TERT: variants seen among roughly 807,000 people sequenced by gnomAD.
TERT encodes the protein telomerase reverse transcriptase.
A neutral mutation model predicts 104.0 loss-of-function variants in TERT; 42 were observed. That is an observed-to-expected ratio of 0.40 (90% CI 0.32 to 0.52). TERT has a LOEUF of 0.52. Ranked by LOEUF, TERT falls within the 20% of genes least tolerant of loss-of-function variation. TERT has a pLI of 0.43. For synonymous variants in TERT, 781 were observed against 725.6 expected, an observed-to-expected ratio of 1.08 and a Z score of -1.23; for missense variants, 1,101 against 1,610.3, an observed-to-expected ratio of 0.68 and a Z score of 5.41.
Position 1,268,675 on chromosome 5 carries a change from G to C in TERT, c.2469-42C>G. 1.4e-6 allele frequency: 2 copies of C among 1,404,652 alleles called. No homozygotes were observed. The highest frequency in any genetic ancestry group is 2.0e-6 in the Non-Finnish European group (2 of 991,768). The allele number at this position is 1,404,652 out of a possible 1,614,324, so 87.0% of individuals were successfully genotyped here. On this transcript the variant is annotated intron_variant, in intron 8 of 15. Transcript: ENST00000310581. The surrounding 1 kb of genome is among the most constrained non-coding windows in gnomAD (Gnocchi z 5.5). ...CAGGTGAGAGACGGGCAGGGCATGT[G>C]CTGGACATGCGTACACTCAAACCGA...
Position 1,294,333 on chromosome 5 carries a change from G to A in TERT, c.553C>T (p.Arg185Trp), listed in dbSNP as rs770436206. Residue 185 changes from arginine (R) to tryptophan (W), a missense_variant, in exon 2 of 16, where the codon CGG becomes TGG. Around this residue, in one of 5 missense-constraint regions of TERT, gnomAD observed 504 missense variants for 544.6 expected, o/e 0.93. Coordinates refer to ENST00000310581, the MANE Select transcript of TERT (RefSeq NM_198253.3). Reference sequence around the variant, plus strand: ...GGTCCACTAGCGTGTGGCGGGGGCCGGGCCTGAGTGGCAGCGCCGAGCTGG... The same window carrying A: ...GGTCCACTAGCGTGTGGCGGGGGCCAGGCCTGAGTGGCAGCGCCGAGCTGG... Reference protein sequence around the residue: ...LYQLGAATQARPPPHASGPRR... With the variant: ...LYQLGAATQAWPPPHASGPRR... The A allele has an allele frequency of 1.6e-5, 26 of 1,579,854 alleles. 1 individual carries two copies. The South Asian group carries it at 2.3e-4, about 14-fold the overall frequency.
intron 2 of TERT, among the ~76,000 whole-genome samples, chr5:1,285,445 G>A (rs182059897): frequency 2.5e-4 from 38 of 152,168 alleles, no homozygotes; most frequent in African/African-American, 8.9e-4. Flanking sequence ...TGTCCTGTGA[G>A]TGATGCTCCC....
rs1561197895 is a variant in TERT, at chr5:1,272,520, CG to C, written c.2287-241del. Among the ~76,000 whole-genome samples the C allele has an allele frequency of 1.2e-3, 181 of 147,422 alleles. 10 individuals carry two copies. Among genetic ancestry groups the C allele is most frequent in the African/African-American group, 4.5e-3 (169 of 37,280 alleles). On this transcript the variant is annotated intron_variant, in intron 6 of 15. Transcript: ENST00000310581. The stretch of plus-strand genomic sequence containing the variant: ...CTACCACACATCAGACCCCTGTGAC[CG>C]ATCACCATCCACAGTCACCACATCA...
chr5:1,292,886 C>A lies in TERT; in HGVS notation c.1573+427G>T, dbSNP rs1324043991. Among the ~76,000 whole-genome samples, 1 of 152,348 alleles carries A rather than the reference C, an allele frequency of 6.6e-6. No homozygotes were observed. The highest frequency in any genetic ancestry group is 1.5e-5 in the Non-Finnish European group (1 of 68,030). On this transcript the variant is annotated intron_variant, in intron 2 of 15. Coordinates refer to ENST00000310581, the MANE Select transcript of TERT (RefSeq NM_198253.3). This position sits in a 1 kb window ranked among gnomAD's most constrained non-coding sequence, Gnocchi z 5.5. The stretch of plus-strand genomic sequence containing the variant: ...ACGTGCACCTGCAAAACCCTTACCT[C>A]CCACCCCCAGGAAGAGGGGGTTCTC...
intron 2 of TERT, 65 bp downstream of exon 2, chr5:1,293,248 C>T (rs1403110897): frequency 1.3e-6 from 2 of 1,597,006 alleles, no homozygotes; most frequent in African/African-American, 1.3e-5. Context: ...TGCCTGCCCC[C>T]TTTTCTGAGC....
In TERT at chr5:1,294,490, C is replaced by T. The variant is rs1751252495; in HGVS notation, c.396G>A (p.Arg132=). The change falls in exon 2 of 16, where the codon CGG becomes CGA. Residue 132 remains arginine, a synonymous_variant. Transcript: ENST00000310581. ...GCAGCAGCCCCCACGCCCCGCTCCC[C>T]CGCAGTGCGTCGGTCACCGTGTTGG... ...YLPNTVTDAL[R]GSGAWGLLLR... 1.3e-6 allele frequency: 2 copies of T among 1,587,834 alleles called. No homozygotes were observed. The highest frequency in any genetic ancestry group is 1.7e-5 in the Admixed American group (1 of 59,056).
intron 2 of TERT, among the ~76,000 whole-genome samples, chr5:1,291,394 G>A (rs1358539382): frequency 3.1e-5 from 1 of 32,610 alleles, no homozygotes; most frequent in Non-Finnish European, 5.4e-5. Flanking sequence ...CCCGGGGACA[G>A]CGCCTCACTC....
Position 1,278,332 on chromosome 5 carries a change from C to A in TERT, c.2286+309G>T, listed in dbSNP as rs144020096. Among the ~76,000 whole-genome samples the A allele has an allele frequency of 8.2e-3, 1,248 of 152,290 alleles. 5 individuals are homozygous for A. Among genetic ancestry groups the A allele is most frequent in the Non-Finnish European group, 0.014 (924 of 68,018 alleles). On this transcript the variant is annotated intron_variant, in intron 6 of 15. Transcript: ENST00000310581. The stretch of plus-strand genomic sequence containing the variant: ...TGTCACGGACACATGCACACACACA[C>A]ACCACAAATAGGCACATCACAGACA...
Position 1,286,438 on chromosome 5 carries a change from T to C in TERT, c.1574-3814A>G, listed in dbSNP as rs1750492639. Reference sequence around the variant, plus strand: ...ACACGGAAAACAATATTAATAATGCTTAGCTTGTGGGGGTGTCAAGATGCC... The same window carrying C: ...ACACGGAAAACAATATTAATAATGCCTAGCTTGTGGGGGTGTCAAGATGCC... On this transcript the variant is annotated intron_variant, in intron 2 of 15. Coordinates refer to ENST00000310581, the MANE Select transcript of TERT (RefSeq NM_198253.3). The surrounding 1 kb of genome is among the most constrained non-coding windows in gnomAD (Gnocchi z 5.3). Among the ~76,000 whole-genome samples the C allele has an allele frequency of 6.6e-6, 1 of 152,076 alleles. No individual in the cohort carries two copies. Among genetic ancestry groups the C allele is most frequent in the Non-Finnish European group, 1.5e-5 (1 of 68,026 alleles).
At chr5:1,283,737 A>AACCG (rs1750243105) in intron 2 of TERT, among the ~76,000 whole-genome samples, 1 of 123,524 alleles carries the variant, frequency 8.1e-6, no homozygotes, top group African/African-American at 3.1e-5. Context: ...TGCACCATGC[A>AACCG]GACACCGCAC....
chr5:1,260,737 G>A, intron 11 of TERT, 137 bp from the exon 12 acceptor site: 1 of 1,257,700 alleles, frequency 8.0e-7, no homozygotes. Flanking sequence ...AGCCCGAGGG[G>A]GCTGGGTGCT....
intron 4 of TERT, among the ~76,000 whole-genome samples, 181 bp downstream of exon 4, chr5:1,279,977 G>A (rs890625059): frequency 6.6e-6 from 1 of 152,190 alleles, no homozygotes; most frequent in Non-Finnish European, 1.5e-5. Context: ...CCCCCACGCT[G>A]CTTTTCTGGA....
In TERT at chr5:1,262,623, G is replaced by A. The variant is rs1748311576; in HGVS notation, c.2843+1781C>T. ...ACACACTCTGACCAAGTGGCCTTTG[G>A]GAGCACAGAATATTCTGGCATTGGA... On this transcript the variant is annotated intron_variant, in intron 11 of 15. Transcript: ENST00000310581. The surrounding 1 kb of genome is among the most constrained non-coding windows in gnomAD (Gnocchi z 5.6). 6.6e-6 allele frequency among the ~76,000 whole-genome samples: 1 copy of A among 152,136 alleles called. No homozygotes were observed. Among genetic ancestry groups the A allele is most frequent in the Non-Finnish European group, 1.5e-5 (1 of 68,042 alleles).
chr5:1,264,374 C>G, intron 11 of TERT, 30 bp downstream of exon 11: 2 of 1,596,556 alleles, frequency 1.3e-6, no homozygotes, highest in Non-Finnish European at 8.5e-7. Flanking sequence ...CAGCCGGGCA[C>G]AGGCTCCACT....
chr5:1,259,961 G>A (rs1471910055), intron 12 of TERT, among the ~76,000 whole-genome samples: 1 of 149,968 alleles, frequency 6.7e-6, no homozygotes, highest in African/African-American at 2.5e-5. Context: ...CCACAGGAGA[G>A]GGGGAGTGGA....
Position 1,253,586 on chromosome 5 carries a change from C to T in TERT, c.*142G>A. ...CTCAGCCTTCAGCCGGACATGCAGGCCTCGGCCAAACACTCACTCAGGCCT... is the reference window on the plus strand; with the variant it reads ...CTCAGCCTTCAGCCGGACATGCAGGTCTCGGCCAAACACTCACTCAGGCCT... On this transcript the variant is annotated 3_prime_UTR_variant, in exon 16 of 16. Coordinates refer to ENST00000310581, the MANE Select transcript of TERT (RefSeq NM_198253.3). 1 of 715,572 alleles carries T rather than the reference C, an allele frequency of 1.4e-6. No homozygotes were observed. The highest frequency in any genetic ancestry group is 2.4e-6 in the Non-Finnish European group (1 of 413,844). The allele number at this position is 715,572 out of a possible 1,614,324, so 44.3% of individuals were successfully genotyped here.
rs1748779829 is a variant in TERT, at chr5:1,268,517, C to T, written c.2582+3G>A. On this transcript the variant is annotated splice_donor_region_variant and intron_variant, in intron 9 of 15. Coordinates refer to ENST00000310581, the MANE Select transcript of TERT (RefSeq NM_198253.3). This position sits in a 1 kb window ranked among gnomAD's most constrained non-coding sequence, Gnocchi z 5.5. Reference sequence around the variant, plus strand: ...AGCCCCCCTGGGGAAGAGGAGGCCTCACCCGTCCCGCCGAATCCCCGCAAA... The same window carrying T: ...AGCCCCCCTGGGGAAGAGGAGGCCTTACCCGTCCCGCCGAATCCCCGCAAA... The T allele has an allele frequency of 6.2e-7, 1 of 1,612,402 alleles. No individual in the cohort carries two copies. Among genetic ancestry groups the T allele is most frequent in the Middle Eastern group, 1.6e-4 (1 of 6,062 alleles).
Position 1,294,797 on chromosome 5 carries a change from G to C in TERT, c.193C>G (p.Pro65Ala), listed in dbSNP as rs544215765. The change falls in exon 1 of 16, where the codon CCC (proline) becomes GCC (alanine). Residue 65 changes from proline to alanine, a missense_variant. Pro to Ala is a conservative substitution (Grantham distance 27). Transcript: ENST00000310581. ...TGGCGGAAGGAGGGGGCGGCGGGGG[G>C]CGGCCGTGCGTCCCAGGGCACGCAC... ...LVCVPWDARP[P>A]PAAPSFRQVS... 9.8e-6 allele frequency: 15 copies of C among 1,524,376 alleles called. No homozygotes were observed. The African/African-American group carries it at 1.5e-4, about 16-fold the overall frequency. The allele number at this position is 1,524,376 out of a possible 1,614,324, so 94.4% of individuals were successfully genotyped here. A position where few individuals can be genotyped will look rare whatever the true frequency, so the allele number is the denominator to read the frequency against.
In TERT at chr5:1,268,740, CG is replaced by C; in HGVS notation, c.2469-108del. 1.4e-6 allele frequency: 1 copy of C among 723,826 alleles called. No homozygotes were observed. Among genetic ancestry groups the C allele is most frequent in the Non-Finnish European group, 2.5e-6 (1 of 407,072 alleles). 44.8% of individuals were successfully genotyped at this position (723,826 alleles called of 1,614,324 possible). The stretch of plus-strand genomic sequence containing the variant: ...CAGAACCTCATACACACAAACGACA[CG>C]TCTACCATTCAGCCGGCAAACACCT... On this transcript the variant is annotated intron_variant, in intron 8 of 15. Transcript: ENST00000310581. This position sits in a 1 kb window ranked among gnomAD's most constrained non-coding sequence, Gnocchi z 5.5.
Sources: gnomAD v4.1 joint callset for allele counts (sites outside exome capture counted in the v4.1 genomes callset) on GRCh38, gnomAD v4.1.1 for gene constraint, gnomAD v4.1.1 regional missense constraint, Gnocchi (gnomAD v3.1) non-coding constraint, MANE v1.5 for transcripts, NCBI Gene and HGNC (gene_info 2026-07-23, HGNC 2026-07-21) for gene names.